IPMK: variants seen among roughly 807,000 people sequenced by gnomAD.
IPMK encodes inositol 1,3,4,6-tetrakisphosphate 5-kinase.
IPMK carries 17 observed loss-of-function variants against 45.8 expected under a neutral mutation model. The observed-to-expected ratio is 0.37, with a 90% CI of 0.25 to 0.56. The LOEUF (loss-of-function observed/expected upper bound fraction) is 0.56. IPMK is among the 20% of genes least tolerant of loss of function. The pLI, the probability that IPMK is intolerant of heterozygous loss-of-function variation, is 0.79. For synonymous variants in IPMK, 180 were observed against 184.3 expected, an observed-to-expected ratio of 0.98 and a Z score of 0.19; for missense variants, 399 against 498.0, an observed-to-expected ratio of 0.80 and a Z score of 1.89.
chr10:58,256,977 A>C (rs1356830137), intron 1 of IPMK, among the ~76,000 whole-genome samples: 1 of 152,158 alleles, frequency 6.6e-6, no homozygotes, highest in East Asian at 1.9e-4. Flanking sequence ...AGATGGGAGG[A>C]TCACTTGAGC....
chr10:58,247,916 CCT>C (rs1838826036), intron 1 of IPMK, among the ~76,000 whole-genome samples: 1 of 151,864 alleles, frequency 6.6e-6, no homozygotes, highest in African/African-American at 2.4e-5. Context: ...GAAGTAAAGC[CCT>C]CTAATTAGCT....
At chr10:58,214,745 TATAG>T (rs371903413) in intron 4 of IPMK, among the ~76,000 whole-genome samples, 4 of 152,192 alleles carry the variant, frequency 2.6e-5, no homozygotes, top group African/African-American at 7.2e-5. Context: ...TATGCTTACA[TATAG>T]ATAAACAAGT....
chr10:58,258,654 T>C (rs1588973693), intron 1 of IPMK, among the ~76,000 whole-genome samples: 2 of 152,288 alleles, frequency 1.3e-5, no homozygotes, highest in Non-Finnish European at 2.9e-5. Flanking sequence ...AATTAGAAAG[T>C]ATTTTTAATA....
At chr10:58,261,854 G>A (rs563483049) in intron 1 of IPMK, among the ~76,000 whole-genome samples, 27 of 152,252 alleles carry the variant, frequency 1.8e-4, no homozygotes, top group Admixed American at 1.4e-3. Flanking sequence ...ATGAGCCACC[G>A]TGCCCAGCCC....
intron 1 of IPMK, among the ~76,000 whole-genome samples, chr10:58,243,798 G>A (rs369653896): frequency 2.0e-5 from 3 of 152,218 alleles, no homozygotes; most frequent in African/African-American, 7.2e-5. Flanking sequence ...ACCCCATCTA[G>A]GAAGTGAGCA....
At chr10:58,257,917 T>C (rs1191275542) in intron 1 of IPMK, among the ~76,000 whole-genome samples, 1 of 152,200 alleles carries the variant, frequency 6.6e-6, no homozygotes, top group African/African-American at 2.4e-5. Context: ...ACTAAATTAT[T>C]TGGTGGTTCA....
intron 1 of IPMK, among the ~76,000 whole-genome samples, chr10:58,257,421 G>T (rs913181745): frequency 4.6e-5 from 7 of 152,136 alleles, no homozygotes; most frequent in African/African-American, 1.7e-4. Context: ...CTTGAACTTG[G>T]GGGGCAGAGG....
rs1360962265 is a variant in IPMK, at chr10:58,192,740, C to A, written c.*3336G>T. ...TAAGAAGCCTGGCCTCCAAAGGCAA[C>A]CCTACTTGTTTTTCCAAAGCATTAA... On this transcript the variant is annotated 3_prime_UTR_variant, in exon 6 of 6. Transcript: ENST00000373935. 6.6e-6 allele frequency: 1 copy of A among 151,914 alleles called. No homozygotes were observed. The highest frequency in any genetic ancestry group is 6.6e-5 in the Admixed American group (1 of 15,226). The allele number at this position is 151,914 out of a possible 1,614,324, so 9.4% of individuals were successfully genotyped here.
rs542272097 is a variant in IPMK at position 58,202,200 on chromosome 10, T to C, written c.547-2879A>G. On this transcript the variant is annotated intron_variant, in intron 4 of 5. Transcript: ENST00000373935. ...TACCCCAAACCACAGATTCTCAATGTAGATGAAACGGCCTTCTATTGAAAA... is the reference window on the plus strand; with the variant it reads ...TACCCCAAACCACAGATTCTCAATGCAGATGAAACGGCCTTCTATTGAAAA... Among the ~76,000 whole-genome samples the C allele has an allele frequency of 2.6e-4, 40 of 152,346 alleles. 2 individuals are homozygous for C. The South Asian group carries it at 7.0e-3, about 27-fold the overall frequency.
At chr10:58,263,864 AT>A (rs1839110648) in intron 1 of IPMK, among the ~76,000 whole-genome samples, 2 of 152,310 alleles carry the variant, frequency 1.3e-5, no homozygotes, top group Admixed American at 6.5e-5. Context: ...ATTAAAGAAC[AT>A]TTCATAAAAT....
At chr10:58,208,826 G>A (rs1042905345) in intron 4 of IPMK, among the ~76,000 whole-genome samples, 1 of 152,194 alleles carries the variant, frequency 6.6e-6, no homozygotes, top group African/African-American at 2.4e-5. Context: ...TCCCTGCATA[G>A]GCAGCAGATG....
At position 58,198,141 on chromosome 10, in the gene IPMK, A is replaced by AACCAT. The variant is rs145830155; in HGVS notation, c.628+1098_628+1099insATGGT. 8.7e-3 allele frequency among the ~76,000 whole-genome samples: 1,329 copies of AACCAT among 152,358 alleles called. 18 individuals carry two copies. The highest frequency in any genetic ancestry group is 0.03 in the African/African-American group (1,253 of 41,578). The stretch of plus-strand genomic sequence containing the variant: ...TTATTTTTTAATGGTACCATTACTA[A>AACCAT]ATACCAAACCATAACTCTACCATAA... On this transcript the variant is annotated intron_variant, in intron 5 of 5. Transcript: ENST00000373935.
At chr10:58,214,203 G>C (rs1181847056) in intron 4 of IPMK, among the ~76,000 whole-genome samples, 1 of 152,174 alleles carries the variant, frequency 6.6e-6, no homozygotes, top group Non-Finnish European at 1.5e-5. Context: ...AAGAAGGAAT[G>C]AGATTCAGAG....
chr10:58,243,632 G>A (rs1278895076), intron 1 of IPMK, among the ~76,000 whole-genome samples: 1 of 152,242 alleles, frequency 6.6e-6, no homozygotes, highest in African/African-American at 2.4e-5. Context: ...GGCCTCCCGA[G>A]GTGCTGGGAT....
intron 3 of IPMK, among the ~76,000 whole-genome samples, chr10:58,224,760 G>T (rs1838388027): frequency 6.6e-6 from 1 of 151,902 alleles, no homozygotes; most frequent in African/African-American, 2.4e-5. Flanking sequence ...CAAACAACAA[G>T]AACAAAAACC....
intron 3 of IPMK, among the ~76,000 whole-genome samples, chr10:58,218,206 G>T (rs573298432): frequency 2.6e-5 from 4 of 152,242 alleles, no homozygotes; most frequent in East Asian, 1.9e-4. Context: ...TTGAAAGAAG[G>T]GTTTTCCCAG....
At chr10:58,242,792 T>G (rs961589618) in intron 1 of IPMK, among the ~76,000 whole-genome samples, 1 of 152,182 alleles carries the variant, frequency 6.6e-6, no homozygotes, top group Non-Finnish European at 1.5e-5. Flanking sequence ...CACCCAAATC[T>G]CATGTTGAAT....
intron 2 of IPMK, among the ~76,000 whole-genome samples, chr10:58,237,057 C>A (rs1313005414): frequency 6.6e-6 from 1 of 152,196 alleles, no homozygotes; most frequent in African/African-American, 2.4e-5. Flanking sequence ...GCCTGGGCAA[C>A]AGAGCCAGAC....
intron 4 of IPMK, among the ~76,000 whole-genome samples, chr10:58,203,016 G>C (rs1189385632): frequency 2.0e-5 from 3 of 152,170 alleles, no homozygotes; most frequent in African/African-American, 7.2e-5. Context: ...CTGATGGACT[G>C]GGGCAATGTA....
Sources: gnomAD v4.1 joint callset for allele counts (sites outside exome capture counted in the v4.1 genomes callset) on GRCh38, gnomAD v4.1.1 for gene constraint, MANE v1.5 for transcripts, NCBI Gene and HGNC (gene_info 2026-07-23, HGNC 2026-07-21) for gene names.